Variants in DMD observed in about 807,000 individuals in gnomAD.
DMD encodes mutant dystrophin.
In DMD, 63 loss-of-function variants were observed where a neutral mutation model predicts 330.1. The ratio of observed to expected loss-of-function variants is 0.19; its 90% CI spans 0.16 to 0.24. The LOEUF (loss-of-function observed/expected upper bound fraction) is 0.24. Among genes scored for constraint, DMD ranks in the 10% least tolerant of loss-of-function variants. The pLI is 1.00. For synonymous variants in DMD, 1,223 were observed against 959.8 expected (o/e 1.27, Z -5.07); for missense variants, 3,344 against 2,684.1 (o/e 1.25, Z -5.43).
intron 47 of DMD, among the ~76,000 whole-genome samples, chrX:31,895,255 T>G (rs776019923): frequency 4.4e-4 from 49 of 111,508 alleles, no homozygotes; most frequent in Non-Finnish European, 3.8e-4. Context: ...TTCTGTTAAT[T>G]AATGGGTAAA....
At chrX:32,248,052 A>G (rs2097248529) in intron 43 of DMD, among the ~76,000 whole-genome samples, 1 of 111,649 alleles carries the variant, frequency 9.0e-6, no homozygotes, top group South Asian at 3.7e-4. Flanking sequence ...GGTTTTATGA[A>G]GAGAAAGAGG....
chrX:32,887,164 G>A (rs796913222), intron 2 of DMD, among the ~76,000 whole-genome samples: 1 of 109,668 alleles, frequency 9.1e-6, no homozygotes, highest in African/African-American at 3.3e-5. Context: ...TGGCTAACAC[G>A]GTGAAACCCC....
chrX:32,352,535 AGCCAAATTTCTAAAGCTCAGTG>A (rs2097785397), intron 37 of DMD, among the ~76,000 whole-genome samples: 1 of 111,172 alleles, frequency 9.0e-6, no homozygotes, highest in Admixed American at 9.6e-5. Context: ...AACATGGAGT[AGCCAAATTTCTAAAGCTCAGTG>A]GCCACATGTG....
chrX:32,880,586 T>G (rs112711778), intron 2 of DMD, among the ~76,000 whole-genome samples: 1 of 112,375 alleles, frequency 8.9e-6, no homozygotes, highest in South Asian at 3.6e-4. Context: ...TTTTTCCCAT[T>G]TATATGCCAT....
intron 1 of DMD, among the ~76,000 whole-genome samples, chrX:33,333,948 A>T (rs2054215648): frequency 9.0e-6 from 1 of 111,197 alleles, no homozygotes; most frequent in Non-Finnish European, 1.9e-5. Flanking sequence ...GAGAGAGTCT[A>T]TAAACCCACG....
chrX:31,127,758 T>C (rs16998125), intron 77 of DMD, among the ~76,000 whole-genome samples: 1,701 of 111,325 alleles, frequency 0.015, 42 homozygotes, highest in African/African-American at 0.052. Context: ...ACGACACCAA[T>C]AGAAACCTTT....
chrX:31,275,416 C>T (rs184182664), intron 62 of DMD, among the ~76,000 whole-genome samples: 220 of 110,765 alleles, frequency 2.0e-3, no homozygotes, highest in Non-Finnish European at 3.7e-3. Context: ...ACTACTTTCC[C>T]CATTAGGACA....
intron 44 of DMD, among the ~76,000 whole-genome samples, chrX:32,099,186 AT>A (rs748504493): frequency 5.0e-3 from 554 of 111,796 alleles, no homozygotes; most frequent in Non-Finnish European, 5.7e-3. Context: ...AATGATTGCC[AT>A]TCTAACTGGT....
At chrX:32,995,952 T>C (rs988916059) in intron 2 of DMD, among the ~76,000 whole-genome samples, 1 of 112,093 alleles carries the variant, frequency 8.9e-6, no homozygotes, top group African/African-American at 3.2e-5. Flanking sequence ...TTTTCTGGTT[T>C]CTTATGTGGT....
Position 32,809,937 on chromosome X carries a change from AAAAAAAAAAGAAAGAAAG to A in DMD, c.531-344_531-327del, listed in dbSNP as rs2077234397. Among the ~76,000 whole-genome samples the A allele has an allele frequency of 5.2e-5, 5 of 95,785 alleles. No individual in the cohort carries two copies. In the South Asian group the frequency reaches 1.7e-3, roughly 32 times the overall value. 83.2% of individuals were successfully genotyped at this position (95,785 alleles called of 115,157 possible). On this transcript the variant is annotated intron_variant, in intron 6 of 78. Transcript: ENST00000357033. ...TTTCTACCAAAAAAAAAAAAAAAAA[AAAAAAAAAAGAAAGAAAG>A]AAAGAAAGAAAGAAAAACTAGCTGG... is the stretch of plus-strand genomic sequence containing the variant.
intron 2 of DMD, among the ~76,000 whole-genome samples, chrX:32,905,392 G>A (rs900917855): frequency 9.0e-6 from 1 of 111,330 alleles, no homozygotes; most frequent in Non-Finnish European, 1.9e-5. Flanking sequence ...AAAAAGACAT[G>A]GTTGAGAAAA....
chrX:32,707,984 T>C (rs1569477373), intron 7 of DMD, among the ~76,000 whole-genome samples: 1 of 112,148 alleles, frequency 8.9e-6, no homozygotes, highest in African/African-American at 3.2e-5. Context: ...ATTGACTTTT[T>C]CTTTCCTCTG....
intron 44 of DMD, among the ~76,000 whole-genome samples, chrX:31,976,990 G>A (rs1423400931): frequency 9.0e-6 from 1 of 111,670 alleles, no homozygotes; most frequent in African/African-American, 3.3e-5. Flanking sequence ...CAACTTAATG[G>A]GGACACCCTA....
chrX:32,591,415 G>A (rs777810832), intron 13 of DMD, among the ~76,000 whole-genome samples: 1 of 111,704 alleles, frequency 9.0e-6, no homozygotes, highest in South Asian at 3.7e-4. Context: ...TATAAGCTAT[G>A]GGCTTAACCA....
At chrX:31,546,424 C>G (rs1402893631) in intron 55 of DMD, among the ~76,000 whole-genome samples, 1 of 111,651 alleles carries the variant, frequency 9.0e-6, no homozygotes, top group East Asian at 2.8e-4. Flanking sequence ...CTATATTTTG[C>G]CAGTTTTCTC....
At chrX:32,678,029 C>T (rs2062091537) in intron 9 of DMD, among the ~76,000 whole-genome samples, 1 of 111,956 alleles carries the variant, frequency 8.9e-6, no homozygotes, top group Non-Finnish European at 1.9e-5. Flanking sequence ...CATGATTCTA[C>T]TCACACCAGG....
intron 52 of DMD, among the ~76,000 whole-genome samples, chrX:31,689,174 A>G (rs1447298722): frequency 8.9e-6 from 1 of 111,957 alleles, no homozygotes; most frequent in Non-Finnish European, 1.9e-5. Context: ...AGAGGAAGTC[A>G]AATTGTCCCT....
At chrX:31,461,642 G>T (rs1181437056) in intron 59 of DMD, among the ~76,000 whole-genome samples, 4 of 111,099 alleles carry the variant, frequency 3.6e-5, no homozygotes, top group Admixed American at 2.9e-4. Flanking sequence ...TAATTCTGAT[G>T]AACAGCTATC....
intron 30 of DMD, among the ~76,000 whole-genome samples, chrX:32,404,195 T>A (rs1370751015): frequency 8.9e-6 from 1 of 111,991 alleles, no homozygotes; most frequent in African/African-American, 3.2e-5. Flanking sequence ...AAAGTGCATT[T>A]AACGTAATTA....
Sources: gnomAD v4.1 joint callset for allele counts (sites outside exome capture counted in the v4.1 genomes callset) on GRCh38, gnomAD v4.1.1 for gene constraint, MANE v1.5 for transcripts, NCBI Gene and HGNC (gene_info 2026-07-23, HGNC 2026-07-21) for gene names.